Variants in ATP8B1 observed in about 807,000 individuals in gnomAD.
The protein encoded by ATP8B1 is phospholipid-transporting ATPase IC.
Under a neutral mutation model 149.9 loss-of-function variants are expected in ATP8B1, and 80 were observed. That is an observed-to-expected ratio of 0.53 (90% CI 0.45 to 0.64). The LOEUF (loss-of-function observed/expected upper bound fraction) is 0.64, where lower values mean the gene tolerates loss of function less well. Among genes scored for constraint, ATP8B1 ranks in the 30% least tolerant of loss-of-function variants. ATP8B1 has a pLI of 0.00. For missense variants in ATP8B1, 1,247 were observed against 1,552.6 expected, an observed-to-expected ratio of 0.80 and a Z score of 3.31; for synonymous variants, 536 against 562.8, an observed-to-expected ratio of 0.95 and a Z score of 0.67.
At chr18:57,775,232 G>T (rs764026624) in intron 1 of ATP8B1, among the ~76,000 whole-genome samples, 5 of 152,118 alleles carry the variant, frequency 3.3e-5, no homozygotes, top group Non-Finnish European at 7.3e-5. Flanking sequence ...CGGGAGGATT[G>T]CTTGAGCCCA....
At chr18:57,684,719 C>T (rs555313953) in intron 14 of ATP8B1, among the ~76,000 whole-genome samples, 1 of 152,138 alleles carries the variant, frequency 6.6e-6, no homozygotes, top group Non-Finnish European at 1.5e-5. Context: ...ACCTCTGGTA[C>T]CTATGAATGT....
intron 2 of ATP8B1, among the ~76,000 whole-genome samples, chr18:57,719,765 A>AAG (rs549503291): frequency 2.6e-5 from 4 of 152,246 alleles, no homozygotes; most frequent in South Asian, 4.1e-4. Context: ...ACCACAGCTC[A>AAG]GAGGCCTGCC....
intron 1 of ATP8B1, among the ~76,000 whole-genome samples, chr18:57,754,026 T>A (rs1184182584): frequency 1.3e-5 from 2 of 151,478 alleles, no homozygotes; most frequent in Non-Finnish European, 2.9e-5. Flanking sequence ...CTATAATGTT[T>A]TATGAGTCAG....
intron 1 of ATP8B1, among the ~76,000 whole-genome samples, chr18:57,758,447 C>A (rs1277145294): frequency 6.6e-6 from 1 of 150,918 alleles, no homozygotes; most frequent in African/African-American, 2.4e-5. Flanking sequence ...TCGAGACCAG[C>A]CTGACCAACA....
rs773846546 is a variant in ATP8B1, at chr18:57,684,113, G to A, written c.1553C>T (p.Ser518Leu). 8 of 1,613,986 alleles carry A rather than the reference G, an allele frequency of 5.0e-6. No individual in the cohort carries two copies. The South Asian group carries it at 8.8e-5, about 18-fold the overall frequency. ...CTGTCGTACTTCTGGCTCTTTCCCT[G>A]ACTGGATTTGCTCAATAAGATAGTG... ...YDHYLIEQIQ[S>L]GKEPEVRQFF... Residue 518 changes from serine to leucine, a missense_variant, in exon 15 of 28, where the codon TCA becomes TTA. By Grantham distance (145) the Ser-to-Leu change is moderately radical. This residue lies in a region of ATP8B1 where 853 missense variants were observed against 1,035.7 expected (regional missense o/e 0.82). Coordinates refer to ENST00000648908, the MANE Select transcript of ATP8B1 (RefSeq NM_001374385.1).
chr18:57,656,711 G>A (rs1180246236), intron 22 of ATP8B1, among the ~76,000 whole-genome samples: 1 of 150,718 alleles, frequency 6.6e-6, no homozygotes, highest in Non-Finnish European at 1.5e-5. Context: ...GATTTCTAAG[G>A]GGCAGAGAAA....
chr18:57,747,427 T>C (rs183210113), intron 1 of ATP8B1, among the ~76,000 whole-genome samples: 23 of 146,226 alleles, frequency 1.6e-4, no homozygotes, highest in African/African-American at 5.6e-4. Flanking sequence ...CACTCCAGTC[T>C]GGGTGACAAG....
At chr18:57,691,519 G>A (rs1912528233) in intron 12 of ATP8B1, among the ~76,000 whole-genome samples, 1 of 152,202 alleles carries the variant, frequency 6.6e-6, no homozygotes, top group Non-Finnish European at 1.5e-5. Flanking sequence ...GGAACCCGGT[G>A]AGAAGGGAAC....
intron 1 of ATP8B1, among the ~76,000 whole-genome samples, chr18:57,742,634 C>T (rs962147710): frequency 3.9e-5 from 6 of 151,978 alleles, no homozygotes; most frequent in African/African-American, 7.3e-5. Flanking sequence ...GAGTTCAAGA[C>T]GAGTCTGGGC....
chr18:57,654,310 T>TA (rs1335848076), intron 23 of ATP8B1, among the ~76,000 whole-genome samples: 1 of 151,902 alleles, frequency 6.6e-6, no homozygotes, highest in Non-Finnish European at 1.5e-5. Flanking sequence ...CCTGGCCTGT[T>TA]ATCAATATTC....
intron 1 of ATP8B1, among the ~76,000 whole-genome samples, chr18:57,801,214 T>C (rs74510025): frequency 0.014 from 2,174 of 152,274 alleles, 51 homozygotes; most frequent in African/African-American, 0.05. Context: ...AAAAGAGTCT[T>C]GCTCGGCCCT....
chr18:57,719,102 AC>A (rs1264761248), intron 2 of ATP8B1, among the ~76,000 whole-genome samples: 1 of 152,198 alleles, frequency 6.6e-6, no homozygotes, highest in East Asian at 1.9e-4. Flanking sequence ...ATTTGGAAAA[AC>A]CTAAAGACTC....
At position 57,775,675 on chromosome 18, in the gene ATP8B1, G is replaced by T. The variant is rs1258875221; in HGVS notation, c.-26+27323C>A. Among the ~76,000 whole-genome samples, 14 of 135,438 alleles carry T rather than the reference G, an allele frequency of 1.0e-4. 1 individual carries two copies. The highest frequency in any genetic ancestry group is 3.9e-4 in the African/African-American group (14 of 35,830). The allele number at this position is 135,438 out of a possible 152,430, so 88.9% of individuals were successfully genotyped here. ...TTTTTTTTTTTTGAAATGGAGTTTC[G>T]CTCTTGTTGCCCAGGCTGGAGTGCA... is the stretch of plus-strand genomic sequence containing the variant. On this transcript the variant is annotated intron_variant, in intron 1 of 27. Transcript: ENST00000648908.
intron 22 of ATP8B1, among the ~76,000 whole-genome samples, chr18:57,659,328 C>T (rs978735818): frequency 3.3e-5 from 5 of 151,988 alleles, no homozygotes; most frequent in African/African-American, 1.2e-4. Flanking sequence ...TTTAAGACAA[C>T]TTAAGAAAAA....
At chr18:57,699,187 C>G (rs932776491) in intron 6 of ATP8B1, among the ~76,000 whole-genome samples, 3 of 152,150 alleles carry the variant, frequency 2.0e-5, no homozygotes, top group Non-Finnish European at 4.4e-5. Context: ...GGAAAGTAAC[C>G]TGACTTACAG....
intron 1 of ATP8B1, among the ~76,000 whole-genome samples, chr18:57,741,553 T>C (rs1486130830): frequency 1.3e-5 from 2 of 152,212 alleles, no homozygotes; most frequent in Non-Finnish European, 2.9e-5. Context: ...GGCACCTTAA[T>C]TGTAGCCTTG....
intron 1 of ATP8B1, among the ~76,000 whole-genome samples, chr18:57,790,583 T>C (rs2080455266): frequency 6.6e-6 from 1 of 152,134 alleles, no homozygotes; most frequent in Non-Finnish European, 1.5e-5. Context: ...ACTGGACCAC[T>C]CTTCCCCTGA....
chr18:57,766,033 A>AT (rs1207035426), intron 1 of ATP8B1, among the ~76,000 whole-genome samples: 43 of 151,250 alleles, frequency 2.8e-4, no homozygotes, highest in African/African-American at 7.5e-4. Flanking sequence ...TATCACAATA[A>AT]TTTTTTTTTC....
At chr18:57,683,766 C>T (rs1440232456) in intron 15 of ATP8B1, among the ~76,000 whole-genome samples, 3 of 152,168 alleles carry the variant, frequency 2.0e-5, no homozygotes, top group East Asian at 1.9e-4. Context: ...AAGTACCAAT[C>T]ATTTCTTTCA....
Sources: gnomAD v4.1 joint callset for allele counts (sites outside exome capture counted in the v4.1 genomes callset) on GRCh38, gnomAD v4.1.1 for gene constraint, gnomAD v4.1.1 regional missense constraint, MANE v1.5 for transcripts, NCBI Gene and HGNC (gene_info 2026-07-23, HGNC 2026-07-21) for gene names.